The following GATA4 variants were observed in gnomAD, a reference collection of about 807,000 sequenced individuals.
GATA4 encodes transcription factor GATA-4.
GATA4 carries 7 observed loss-of-function variants against 37.9 expected under a neutral mutation model. The ratio of observed to expected loss-of-function variants is 0.18; its 90% confidence interval spans 0.11 to 0.35. GATA4 has a LOEUF of 0.35. Among genes scored for constraint, GATA4 ranks in the 10% least tolerant of loss-of-function variants. The pLI, the probability that GATA4 is intolerant of heterozygous loss-of-function variation, is 1.00. For synonymous variants in GATA4, 372 were observed against 292.6 expected (o/e 1.27, Z -2.77); for missense variants, 647 against 653.0 (o/e 0.99, Z 0.10).
intron 1 of GATA4, among the ~76,000 whole-genome samples, chr8:11,679,825 C>A (rs1056560440): frequency 2.0e-5 from 3 of 152,182 alleles, no homozygotes; most frequent in Non-Finnish European, 2.9e-5. Context: ...CTCAGAGACA[C>A]CAGCAACAGA....
At position 11,709,410 on chromosome 8, in the gene GATA4, C is replaced by T. The variant is rs936839547; in HGVS notation, c.616+482C>T. On this transcript the variant is annotated intron_variant, in intron 2 of 6. Transcript: ENST00000532059. The surrounding 1 kb of genome is among the most constrained non-coding windows in gnomAD (Gnocchi z 4.3). Reference sequence around the variant, plus strand: ...CAGACCTTCTGGGCCATTTGGCGGCCCAGCTGGAGGATCCCTCGGGGTAGC... The same window carrying T: ...CAGACCTTCTGGGCCATTTGGCGGCTCAGCTGGAGGATCCCTCGGGGTAGC... 1.3e-5 allele frequency among the ~76,000 whole-genome samples: 2 copies of T among 152,228 alleles called. No individual in the cohort carries two copies. The highest frequency in any genetic ancestry group is 2.4e-5 in the African/African-American group (1 of 41,462).
In GATA4 at chr8:11,759,901, C is replaced by G. The variant is rs1802810534; in HGVS notation, c.*1426C>G. 6.5e-6 allele frequency: 1 copy of G among 152,672 alleles called. No individual in the cohort carries two copies. Among genetic ancestry groups the G allele is most frequent in the Admixed American group, 6.5e-5 (1 of 15,286 alleles). 9.5% of individuals were successfully genotyped at this position (152,672 alleles called of 1,614,324 possible). A position where few individuals can be genotyped will look rare whatever the true frequency, so the allele number is the denominator to read the frequency against. ...TACATTGTTTTCTTCCAAAGGCCCC[C>G]TCGTATACCCTCCCTAACCCACAAA... On this transcript the variant is annotated 3_prime_UTR_variant, in exon 7 of 7. Coordinates refer to ENST00000532059, the MANE Select transcript of GATA4 (RefSeq NM_001308093.3).
At chr8:11,758,153 G>T in intron 6 of GATA4, 140 bp from the exon 7 acceptor site, 1 of 787,818 alleles carries the variant, frequency 1.3e-6, no homozygotes, top group South Asian at 1.4e-5. Flanking sequence ...GAGAAACAGA[G>T]AGAAGTGCTC....
chr8:11,750,296 C>T, intron 4 of GATA4, 60 bp downstream of exon 4: 1 of 1,601,358 alleles, frequency 6.2e-7, no homozygotes, highest in Non-Finnish European at 8.5e-7. Context: ...TCTCAGTCCT[C>T]CCTTGTCTTC....
At chr8:11,681,449 G>A in intron 1 of GATA4, 1 of 984,012 alleles carries the variant, frequency 1.0e-6, no homozygotes, top group South Asian at 4.7e-5. Flanking sequence ...CCGCGCAGAC[G>A]CCGGAATCCG....
chr8:11,681,703 C>G (rs1332772742), intron 1 of GATA4, among the ~76,000 whole-genome samples: 1 of 151,992 alleles, frequency 6.6e-6, no homozygotes, highest in East Asian at 1.9e-4. Flanking sequence ...TTCCTTAATT[C>G]TGTTGCAAAG....
chr8:11,749,975 C>G lies in GATA4; in HGVS notation c.787-136C>G. 8.5e-7 allele frequency: 1 copy of G among 1,175,012 alleles called. No homozygotes were observed. 72.8% of individuals were successfully genotyped at this position (1,175,012 alleles called of 1,614,324 possible). On this transcript the variant is annotated intron_variant, in intron 3 of 6. Transcript: ENST00000532059. This position sits in a 1 kb window ranked among gnomAD's most constrained non-coding sequence, Gnocchi z 4.6. Reference sequence around the variant, plus strand: ...AGGAGAGTTAGGTGCCGTCACAGGTCAGAGATCTCATGCAGGGTCGTTAGG... The same window carrying G: ...AGGAGAGTTAGGTGCCGTCACAGGTGAGAGATCTCATGCAGGGTCGTTAGG...
intron 1 of GATA4, among the ~76,000 whole-genome samples, chr8:11,693,624 A>G (rs1799411539): frequency 6.7e-6 from 1 of 149,660 alleles, no homozygotes; most frequent in South Asian, 2.1e-4. Context: ...CAACCGGTGC[A>G]TTTCACAGAT....
chr8:11,683,220 AG>A, intron 1 of GATA4: 1 of 793,070 alleles, frequency 1.3e-6, no homozygotes, highest in Non-Finnish European at 1.5e-6. Flanking sequence ...ATTTATCCGG[AG>A]CGGGGGAGGA....
chr8:11,725,028 C>T lies in GATA4; in HGVS notation c.616+16100C>T, dbSNP rs768689902. On this transcript the variant is annotated intron_variant, in intron 2 of 6. Transcript: ENST00000532059. ...GTGGGTCATCCTGACGTTGCCCGCTCAGGGGTGGCCTTCACGTTTGCTTCA... is the reference window on the plus strand; with the variant it reads ...GTGGGTCATCCTGACGTTGCCCGCTTAGGGGTGGCCTTCACGTTTGCTTCA... 2.5e-4 allele frequency among the ~76,000 whole-genome samples: 38 copies of T among 152,254 alleles called. 1 individual carries two copies. Among genetic ancestry groups the T allele is most frequent in the Non-Finnish European group, 5.9e-5 (4 of 68,044 alleles).
intron 4 of GATA4, among the ~76,000 whole-genome samples, 159 bp downstream of exon 4, chr8:11,750,395 C>T (rs760775024): frequency 6.6e-6 from 1 of 152,214 alleles, no homozygotes; most frequent in Non-Finnish European, 1.5e-5. Context: ...CCTCTTCCGT[C>T]CTTTACATTG....
chr8:11,699,301 C>T (rs1201245572), upstream of GATA4, among the ~76,000 whole-genome samples: 2 of 152,218 alleles, frequency 1.3e-5, no homozygotes, highest in African/African-American at 2.4e-5. Context: ...GCTCTGGGCT[C>T]AGCACAAACA....
chr8:11,726,189 G>A (rs1365899516), intron 2 of GATA4, among the ~76,000 whole-genome samples: 1 of 152,148 alleles, frequency 6.6e-6, no homozygotes, highest in Non-Finnish European at 1.5e-5. Context: ...TCAGACCTCT[G>A]TGAAAGGCTC....
chr8:11,750,065 G>A (rs1802224578), intron 3 of GATA4, 46 bp from the exon 4 acceptor site: 2 of 1,613,536 alleles, frequency 1.2e-6, no homozygotes, highest in South Asian at 1.1e-5. Context: ...GAAGGGCAGT[G>A]CACACCTTTT....
chr8:11,730,428 C>T (rs746318425), intron 2 of GATA4, among the ~76,000 whole-genome samples: 9 of 152,134 alleles, frequency 5.9e-5, no homozygotes, highest in Admixed American at 3.9e-4. Flanking sequence ...CAGTCACTGT[C>T]GGGGATGTTT....
chr8:11,680,829 C>T (rs1208683895), intron 1 of GATA4: 2 of 985,248 alleles, frequency 2.0e-6, no homozygotes, highest in Non-Finnish European at 2.4e-6. Context: ...TCCCCACGCT[C>T]TGGGCAGCAA....
upstream of GATA4, among the ~76,000 whole-genome samples, chr8:11,703,598 A>T (rs1470595585): frequency 6.6e-6 from 1 of 152,182 alleles, no homozygotes; most frequent in Non-Finnish European, 1.5e-5. Flanking sequence ...TAAATACATA[A>T]AATTGAGGCT....
chr8:11,688,188 G>A (rs1247145156), upstream of GATA4, among the ~76,000 whole-genome samples: 2 of 152,084 alleles, frequency 1.3e-5, no homozygotes, highest in Non-Finnish European at 2.9e-5. Context: ...CCCCACACAC[G>A]TGAGATCAAA....
At chr8:11,713,788 G>A (rs1386486291) in intron 2 of GATA4, among the ~76,000 whole-genome samples, 1 of 152,308 alleles carries the variant, frequency 6.6e-6, no homozygotes, top group African/African-American at 2.4e-5. Context: ...TAAACTCCTG[G>A]GCGCTGGAAG....
Sources: allele counts gnomAD v4.1 joint callset (sites outside exome capture counted in the v4.1 genomes callset), GRCh38; gene constraint gnomAD v4.1.1; non-coding constraint Gnocchi (gnomAD v3.1); transcripts MANE v1.5; gene names NCBI Gene and HGNC (gene_info 2026-07-23, HGNC 2026-07-21).